The following NCOR2 variants were observed in gnomAD, a reference collection of about 807,000 sequenced individuals.
The protein encoded by NCOR2 is nuclear receptor corepressor 2, also known as CTG repeat protein 26.
Under a neutral mutation model 262.9 loss-of-function variants are expected in NCOR2, and 81 were observed. The ratio of observed to expected loss-of-function variants is 0.31; its 90% CI spans 0.26 to 0.37. The LOEUF (loss-of-function observed/expected upper bound fraction) is 0.37, where lower values mean the gene tolerates loss of function less well. Among genes scored for constraint, NCOR2 ranks in the 10% least tolerant of loss-of-function variants. NCOR2 has a pLI of 1.00. For synonymous variants in NCOR2, 1,659 were observed against 1,559.3 expected, an observed-to-expected ratio of 1.06 and a Z score of -1.51; for missense variants, 3,385 against 3,621.4, an observed-to-expected ratio of 0.93 and a Z score of 1.68.
intron 16 of NCOR2, among the ~76,000 whole-genome samples, chr12:124,394,669 G>A (rs1031786113): frequency 1.3e-5 from 2 of 152,244 alleles, no homozygotes; most frequent in African/African-American, 4.8e-5. Context: ...CAAGGCTGCA[G>A]GCAGGCGCCA....
At chr12:124,472,810 G>T in intron 4 of NCOR2, 142 bp downstream of exon 6, 2 of 1,062,980 alleles carry the variant, frequency 1.9e-6, no homozygotes, top group Non-Finnish European at 2.8e-6. Flanking sequence ...ATGTGCTCCT[G>T]TCCAATAAAC....
chr12:124,340,500 G>A, intron 35 of NCOR2, 57 bp from the exon 38 acceptor site: 1 of 1,583,688 alleles, frequency 6.3e-7, no homozygotes, highest in Non-Finnish European at 8.6e-7. Context: ...GCCTGGCTTT[G>A]TCTTCTGGGG....
chr12:124,467,814 TATCACCCCCATCACCCTCATCCTC>T (rs2046548217), intron 4 of NCOR2, among the ~76,000 whole-genome samples: 1 of 22,716 alleles, frequency 4.4e-5, no homozygotes, highest in Non-Finnish European at 8.0e-5. Context: ...TCCTCATCCT[TATCACCCCCATCACCCTCATCCTC>T]ATCACCCCTT....
intron 18 of NCOR2, among the ~76,000 whole-genome samples, chr12:124,377,790 G>T (rs1358961209): frequency 1.3e-5 from 2 of 149,790 alleles, no homozygotes; most frequent in Non-Finnish European, 3.0e-5. Flanking sequence ...ACTGGGCCGT[G>T]ATCACGTCAC....
rs1475182078 is a variant in NCOR2, at chr12:124,503,079, C to G, written c.-117-7711G>C. Reference sequence around the variant, plus strand: ...AATACTAAGAGCTCAATCCCGGGTGCCACCCACAAGGGTGCGGTCTGCCCT... The same window carrying G: ...AATACTAAGAGCTCAATCCCGGGTGGCACCCACAAGGGTGCGGTCTGCCCT... On this transcript the variant is annotated intron_variant, in intron 1 of 46. Transcript: ENST00000404621. The surrounding 1 kb of genome is among the most constrained non-coding windows in gnomAD (Gnocchi z 4.3). Among the ~76,000 whole-genome samples, 1 of 152,242 alleles carries G rather than the reference C, an allele frequency of 6.6e-6. No individual in the cohort carries two copies. The highest frequency in any genetic ancestry group is 1.9e-4 in the East Asian group (1 of 5,196).
chr12:124,327,349 G>A (rs1366769465), intron 45 of NCOR2, 60 bp downstream of exon 47: 11 of 1,334,950 alleles, frequency 8.2e-6, no homozygotes, highest in African/African-American at 1.5e-5. Context: ...GCGGAGGAGC[G>A]AGGATTAATC....
intron 16 of NCOR2, among the ~76,000 whole-genome samples, chr12:124,395,009 TAA>T (rs1363868489): frequency 2.6e-5 from 4 of 152,042 alleles, no homozygotes; most frequent in African/African-American, 7.2e-5. Context: ...GCCATGCTAC[TAA>T]AGTCTTCCAG....
At chr12:124,362,979 A>T (rs986461217) in intron 21 of NCOR2, among the ~76,000 whole-genome samples, 1 of 152,200 alleles carries the variant, frequency 6.6e-6, no homozygotes, top group South Asian at 2.1e-4. Context: ...CCACCTCCCA[A>T]AAAGCCTGGC....
Position 124,378,386 on chromosome 12 carries a change from TG to T in NCOR2, c.2020-3del. 6.2e-7 allele frequency: 1 copy of T among 1,610,206 alleles called. No individual in the cohort carries two copies. ...CCTCCGCGCGTTCCTCTCCTTCTCC[TG>T]GGGCACAGGGAAGCAGCAGATCAGG... On this transcript the variant is annotated splice_region_variant and splice_polypyrimidine_tract_variant and intron_variant, in intron 17 of 46. Transcript: ENST00000405201. The surrounding 1 kb of genome is among the most constrained non-coding windows in gnomAD (Gnocchi z 4.2).
At chr12:124,346,883 C>T (rs765328134) in intron 30 of NCOR2, 33 bp from the exon 33 acceptor site, 74 of 1,495,490 alleles carry the variant, frequency 4.9e-5, no homozygotes, top group Non-Finnish European at 6.2e-5. Context: ...CCTCACGCCC[C>T]GCCCCACCCA....
chr12:124,495,863 G>T (rs559745863), upstream of NCOR2, among the ~76,000 whole-genome samples: 253 of 152,308 alleles, frequency 1.7e-3, 4 homozygotes, highest in Non-Finnish European at 6.0e-4. The surrounding 1 kb of genome is among the most constrained non-coding windows in gnomAD (Gnocchi z 4.4). Context: ...AGCATGACCT[G>T]GGCAAGGCTA....
chr12:124,334,690 T>C, intron 40 of NCOR2, 73 bp from the exon 43 acceptor site: 1 of 754,734 alleles, frequency 1.3e-6, no homozygotes, highest in Non-Finnish European at 2.0e-6. Context: ...GGGGAGGGGC[T>C]AGACGGAGCT....
chr12:124,519,089 TACACACACACAC>T (rs57438929), intron 1 of NCOR2, among the ~76,000 whole-genome samples: 10 of 97,320 alleles, frequency 1.0e-4, no homozygotes, highest in African/African-American at 2.8e-4. Flanking sequence ...GGCCAAATAA[TACACACACACAC>T]ACACACACAC....
intron 1 of NCOR2, among the ~76,000 whole-genome samples, chr12:124,516,685 C>G (rs1271504511): frequency 6.6e-6 from 1 of 152,108 alleles, no homozygotes; most frequent in African/African-American, 2.4e-5. Context: ...GATTCCGGGA[C>G]TTGCCCAAGG....
chr12:124,343,791 TA>T (rs555936561), intron 32 of NCOR2, among the ~76,000 whole-genome samples: 10 of 152,092 alleles, frequency 6.6e-5, no homozygotes, highest in Admixed American at 2.0e-4. Context: ...CACACCCGGT[TA>T]TTTTTTTGTA....
At chr12:124,385,200 G>A (rs1565896480) in intron 17 of NCOR2, among the ~76,000 whole-genome samples, 1 of 152,182 alleles carries the variant, frequency 6.6e-6, no homozygotes, top group Non-Finnish European at 1.5e-5. Context: ...GCTTGTGGAG[G>A]AGGGAAGGGT....
At chr12:124,521,152 CA>C (rs2050162549) in intron 1 of NCOR2, among the ~76,000 whole-genome samples, 1 of 152,248 alleles carries the variant, frequency 6.6e-6, no homozygotes, top group South Asian at 2.1e-4. Flanking sequence ...TCCAGACCCA[CA>C]GCCGCAGCTA....
At chr12:124,349,300 T>C (rs1555303186) in intron 28 of NCOR2, among the ~76,000 whole-genome samples, 1 of 152,104 alleles carries the variant, frequency 6.6e-6, no homozygotes, top group Non-Finnish European at 1.5e-5. Context: ...CTATCAGAAA[T>C]GAGCCCCGGG....
intron 8 of NCOR2, 120 bp from the exon 11 acceptor site, chr12:124,430,907 C>G (rs1013505233): frequency 1.1e-5 from 13 of 1,176,744 alleles, no homozygotes; most frequent in Middle Eastern, 4.3e-4. Flanking sequence ...CAAAGTCACA[C>G]AGGCACACAC....
Sources: allele counts gnomAD v4.1 joint callset (sites outside exome capture counted in the v4.1 genomes callset), GRCh38; gene constraint gnomAD v4.1.1; non-coding constraint Gnocchi (gnomAD v3.1); transcripts MANE v1.5; gene names NCBI Gene and HGNC (gene_info 2026-07-23, HGNC 2026-07-21).